Variants in PHKB observed in about 807,000 individuals in gnomAD.
The protein encoded by PHKB is phosphorylase b kinase regulatory subunit beta.
PHKB carries 122 observed loss-of-function variants against 152.1 expected under a neutral mutation model. The observed-to-expected ratio is 0.80, with a 90% CI of 0.69 to 0.93. PHKB has a LOEUF of 0.93. Ranked by LOEUF, PHKB falls within the 40% of genes least tolerant of loss-of-function variation. PHKB has a pLI of 0.00. For missense variants in PHKB, 1,304 were observed against 1,328.4 expected, an observed-to-expected ratio of 0.98 and a Z score of 0.29; for synonymous variants, 436 against 464.9, an observed-to-expected ratio of 0.94 and a Z score of 0.80.
At chr16:47,531,150 C>T (rs557438356) in intron 6 of PHKB, among the ~76,000 whole-genome samples, 2 of 152,244 alleles carry the variant, frequency 1.3e-5, no homozygotes, top group East Asian at 1.9e-4. Context: ...TATACACCCC[C>T]TCCCGACACA....
intron 1 of PHKB, among the ~76,000 whole-genome samples, chr16:47,484,716 T>C (rs565708417): frequency 1.6e-4 from 24 of 152,352 alleles, no homozygotes; most frequent in African/African-American, 5.3e-4. Flanking sequence ...TTGTCATTTA[T>C]TTATCTAGAG....
At chr16:47,696,524 C>A in intron 29 of PHKB, 36 bp downstream of exon 29, 1 of 1,123,036 alleles carries the variant, frequency 8.9e-7, no homozygotes, top group Non-Finnish European at 1.4e-6. Flanking sequence ...TGAATAAATG[C>A]CTTCTCTCTG....
At chr16:47,594,352 AAAG>A (rs576905157) in intron 12 of PHKB, 138 bp downstream of exon 12, 431 of 648,230 alleles carry the variant, frequency 6.6e-4, no homozygotes, top group Non-Finnish European at 1.0e-3. Context: ...ATGAAATCAG[AAAG>A]AAGATTAAGC....
intron 6 of PHKB, among the ~76,000 whole-genome samples, chr16:47,532,262 G>A (rs1970874147): frequency 6.6e-6 from 1 of 152,150 alleles, no homozygotes; most frequent in Non-Finnish European, 1.5e-5. Flanking sequence ...AACTAATTTG[G>A]AGAGCAATTT....
chr16:47,557,558 C>G (rs955697762), intron 7 of PHKB, among the ~76,000 whole-genome samples: 14 of 152,160 alleles, frequency 9.2e-5, no homozygotes, highest in Non-Finnish European at 1.9e-4. Flanking sequence ...ACAACCCCAT[C>G]AAAAAGTGGG....
chr16:47,481,177 T>C lies in PHKB; in HGVS notation c.77-16222T>C, dbSNP rs532083145. Among the ~76,000 whole-genome samples the C allele has an allele frequency of 4.6e-5, 7 of 152,296 alleles. No individual in the cohort carries two copies. In the East Asian group the frequency reaches 1.4e-3, roughly 29 times the overall value. ...AGCTTTAGTTAGGCATGACGGTTGT[T>C]AGTGACTTTTCGTGAAATTAAGGTT... On this transcript the variant is annotated intron_variant, in intron 1 of 30. Transcript: ENST00000323584.
chr16:47,681,571 T>A (rs1973856423), intron 26 of PHKB, among the ~76,000 whole-genome samples: 1 of 152,132 alleles, frequency 6.6e-6, no homozygotes, highest in Non-Finnish European at 1.5e-5. Context: ...AAGTCTGTTT[T>A]ATCAGAGACT....
intron 26 of PHKB, among the ~76,000 whole-genome samples, chr16:47,676,796 C>T (rs1006849279): frequency 1.3e-5 from 2 of 152,184 alleles, no homozygotes; most frequent in African/African-American, 4.8e-5. Context: ...TTCAGCTTTC[C>T]TGTTGAAATA....
chr16:47,674,209 G>A (rs1260026912), intron 26 of PHKB, among the ~76,000 whole-genome samples: 1 of 150,294 alleles, frequency 6.7e-6, no homozygotes, highest in Non-Finnish European at 1.5e-5. Context: ...GATCAGTACT[G>A]TTGAGCATTT....
At chr16:47,545,364 C>T (rs1016951965) in intron 6 of PHKB, among the ~76,000 whole-genome samples, 8 of 152,108 alleles carry the variant, frequency 5.3e-5, no homozygotes, top group Non-Finnish European at 1.2e-4. Flanking sequence ...CTTAGTTTGG[C>T]TGGATATGTA....
At chr16:47,502,034 T>C (rs932606226) in intron 3 of PHKB, among the ~76,000 whole-genome samples, 34 of 152,238 alleles carry the variant, frequency 2.2e-4, no homozygotes, top group Non-Finnish European at 1.0e-4. Context: ...ACATTCACCA[T>C]ACTATGTCAA....
At chr16:47,580,927 A>G (rs1414501089) in intron 8 of PHKB, among the ~76,000 whole-genome samples, 1 of 152,156 alleles carries the variant, frequency 6.6e-6, no homozygotes, top group Non-Finnish European at 1.5e-5. Flanking sequence ...TTTATACTGA[A>G]AGAATCTAAT....
At chr16:47,524,532 G>A (rs1004819879) in intron 6 of PHKB, among the ~76,000 whole-genome samples, 1 of 152,212 alleles carries the variant, frequency 6.6e-6, no homozygotes, top group Non-Finnish European at 1.5e-5. Context: ...ACTTTGAGAG[G>A]CTGAGGCTGG....
chr16:47,496,453 T>C (rs1484792113), intron 1 of PHKB, among the ~76,000 whole-genome samples: 3 of 152,074 alleles, frequency 2.0e-5, no homozygotes, highest in Non-Finnish European at 4.4e-5. Flanking sequence ...TTTAATTTTC[T>C]TTAAAAACAG....
At chr16:47,566,053 G>A in intron 7 of PHKB, 2 of 669,862 alleles carry the variant, frequency 3.0e-6, no homozygotes, top group South Asian at 3.5e-5. Flanking sequence ...TCATCCCTGT[G>A]GTACCCACTG....
intron 12 of PHKB, among the ~76,000 whole-genome samples, chr16:47,595,762 G>A (rs965605435): frequency 3.3e-5 from 5 of 152,142 alleles, no homozygotes; most frequent in African/African-American, 4.8e-5. Context: ...GTTGTTGAGG[G>A]AGATTATGTA....
intron 6 of PHKB, among the ~76,000 whole-genome samples, chr16:47,531,163 C>T (rs1970855353): frequency 6.6e-6 from 1 of 152,174 alleles, no homozygotes; most frequent in African/African-American, 2.4e-5. Context: ...CCGACACACA[C>T]ATACGTATAT....
chr16:47,504,001 C>T (rs1040117456), intron 4 of PHKB, among the ~76,000 whole-genome samples: 5 of 152,146 alleles, frequency 3.3e-5, no homozygotes, highest in East Asian at 1.9e-4. Context: ...AGTGCCCATA[C>T]GTGTACATCA....
chr16:47,582,569 T>A (rs948593482), intron 8 of PHKB, among the ~76,000 whole-genome samples: 4 of 152,106 alleles, frequency 2.6e-5, no homozygotes, highest in African/African-American at 9.7e-5. Context: ...CTTCCAGGGA[T>A]TCTGATTTAA....
Sources: allele counts gnomAD v4.1 joint callset (sites outside exome capture counted in the v4.1 genomes callset), GRCh38; gene constraint gnomAD v4.1.1; transcripts MANE v1.5; gene names NCBI Gene and HGNC (gene_info 2026-07-23, HGNC 2026-07-21).